The following FCRL3 variants were observed in gnomAD, a reference collection of about 807,000 sequenced individuals.
The protein encoded by FCRL3 is Fc receptor-like protein 3.
In FCRL3, 89 loss-of-function variants were observed where a neutral mutation model predicts 75.0. The observed-to-expected ratio is 1.19, with a 90% CI of 1.00 to 1.42. The LOEUF (loss-of-function observed/expected upper bound fraction) is 1.42, where lower values mean the gene tolerates loss of function less well. FCRL3 is among the 40% of genes most tolerant of loss of function. The probability of loss-of-function intolerance (pLI) is 0.00; values close to 1 mark genes in which losing one functional copy is unlikely to be tolerated. For synonymous variants in FCRL3, 376 were observed against 348.5 expected (o/e 1.08, Z -0.88); for missense variants, 946 against 880.0 (o/e 1.07, Z -0.95).
intron 10 of FCRL3, among the ~76,000 whole-genome samples, chr1:157,687,748 A>G (rs771375892): frequency 2.6e-5 from 4 of 151,734 alleles, no homozygotes; most frequent in Non-Finnish European, 5.9e-5. Context: ...AAACATGGAC[A>G]TAAACATGGG....
chr1:157,681,025 G>A lies in FCRL3; in HGVS notation c.1913C>T (p.Ser638Phe). ...SRIDPQEPTH[S>F]KPLAPMELEP... Reference sequence around the variant, plus strand: ...CAGCTCCATTGGGGCTAGTGGTTTAGAGTGAGTGGGCTCTTGAGGGTCTAT... The same window carrying A: ...CAGCTCCATTGGGGCTAGTGGTTTAAAGTGAGTGGGCTCTTGAGGGTCTAT... Residue 638 changes from serine to phenylalanine, a missense_variant, in exon 12 of 15, where the codon TCT becomes TTT. Physicochemically the swap from Ser to Phe is radical, Grantham distance 155. Transcript: ENST00000368184. 6.2e-7 allele frequency: 1 copy of A among 1,606,840 alleles called. No homozygotes were observed. The highest frequency in any genetic ancestry group is 1.7e-5 in the Admixed American group (1 of 58,330).
Position 157,697,720 on chromosome 1 carries a change from A to G in FCRL3, c.498T>C (p.Tyr166=), listed in dbSNP as rs763800127. 6.2e-7 allele frequency: 1 copy of G among 1,613,872 alleles called. No individual in the cohort carries two copies. The highest frequency in any genetic ancestry group is 1.1e-5 in the South Asian group (1 of 91,084). Residue 166 remains tyrosine (Y), a synonymous_variant, in exon 5 of 15, where the codon TAT becomes TAC. Transcript: ENST00000368184. ...CAATGTCAAGTATGTAAAACTTCCTATAAGCAGTACAATGATATTTGCTAT... is the reference window on the plus strand; with the variant it reads ...CAATGTCAAGTATGTAAAACTTCCTGTAAGCAGTACAATGATATTTGCTAT... The part of the protein sequence containing the change: ...RDNSKYHCTA[Y]RKFYILDIEV...
At chr1:157,698,030 C>A (rs1656069677) in intron 4 of FCRL3, 111 bp from the exon 5 acceptor site, 1 of 1,272,578 alleles carries the variant, frequency 7.9e-7, no homozygotes, top group Admixed American at 2.6e-5. Flanking sequence ...GCAAATGGCC[C>A]CCACCCACAT....
rs750260814 is a variant in FCRL3, at chr1:157,695,358, T to C, written c.1382A>G (p.His461Arg). 1.5e-5 allele frequency: 25 copies of C among 1,614,042 alleles called. No homozygotes were observed. The highest frequency in any genetic ancestry group is 2.0e-5 in the Non-Finnish European group (24 of 1,179,992). The change falls in exon 8 of 15, where the codon CAC becomes CGC. Residue 461 changes from histidine (H) to arginine (R), a missense_variant. Coordinates refer to ENST00000368184, the MANE Select transcript of FCRL3 (RefSeq NM_052939.4). ...GACCCTGAGACTCACTCCATGACTG[T>C]GCTGGGCCCCCAGGCCATTGTCTGC... ...CDADNGLGAQ[H>R]SHGVSLRVTV...
intron 4 of FCRL3, 113 bp downstream of exon 4, chr1:157,698,271 G>A: frequency 2.3e-6 from 3 of 1,279,074 alleles, no homozygotes; most frequent in Non-Finnish European, 3.3e-6. Flanking sequence ...ACTGGGGTCA[G>A]TGCATCAATC....
intron 13 of FCRL3, 40 bp from the exon 14 acceptor site, chr1:157,679,013 G>A: frequency 1.2e-6 from 2 of 1,610,294 alleles, no homozygotes; most frequent in Non-Finnish European, 1.7e-6. Flanking sequence ...TTAAACTGTG[G>A]GCAATATATT....
chr1:157,695,997 C>G, intron 7 of FCRL3, 43 bp downstream of exon 7: 1 of 1,558,766 alleles, frequency 6.4e-7, no homozygotes, highest in South Asian at 1.2e-5. Context: ...AACCTAAACC[C>G]TGGCTTGCAA....
At position 157,681,458 on chromosome 1, in the gene FCRL3, A is replaced by G. The variant is rs1050405723; in HGVS notation, c.1839-359T>C. ...CTTCCTGTGTCCATGTGTTCTCATT[A>G]TTCAATTCCCACCTATGAGTGAGAA... On this transcript the variant is annotated intron_variant, in intron 11 of 14. Coordinates refer to ENST00000368184, the MANE Select transcript of FCRL3 (RefSeq NM_052939.4). Among the ~76,000 whole-genome samples, 8 of 129,138 alleles carry G rather than the reference A, an allele frequency of 6.2e-5. No individual in the cohort carries two copies. The East Asian group carries it at 1.6e-3, about 26-fold the overall frequency. 84.7% of individuals were successfully genotyped at this position (129,138 alleles called of 152,430 possible).
In FCRL3 at chr1:157,699,698, G is replaced by T. The variant is rs749044793; in HGVS notation, c.46C>A (p.Gln16Lys). ...LLLILTPGRE[Q>K]SGVAPKAVLL... is the part of the protein sequence containing the mutation. Reference sequence around the variant, plus strand: ...GAGAGAAGGAGAAACTTACCTGATTGTTCTCTTCCAGGAGCTGTGAGGGAG... The same window carrying T: ...GAGAGAAGGAGAAACTTACCTGATTTTTCTCTTCCAGGAGCTGTGAGGGAG... The change falls in exon 3 of 15, where the codon CAA (glutamine) becomes AAA (lysine). Residue 16 changes from glutamine to lysine, a missense_variant. Gln to Lys is a moderately conservative substitution (Grantham distance 53). Coordinates refer to ENST00000368184, the MANE Select transcript of FCRL3 (RefSeq NM_052939.4). 4.3e-6 allele frequency: 7 copies of T among 1,613,440 alleles called. No individual in the cohort carries two copies. The highest frequency in any genetic ancestry group is 4.5e-5 in the East Asian group (2 of 44,864).
intron 11 of FCRL3, among the ~76,000 whole-genome samples, chr1:157,682,675 A>T (rs927928789): frequency 1.3e-5 from 2 of 152,180 alleles, no homozygotes; most frequent in African/African-American, 4.8e-5. Context: ...ATACACAAAG[A>T]CCTCTGCATT....
chr1:157,695,557 C>G lies in FCRL3; in HGVS notation c.1183G>C (p.Val395Leu). Residue 395 changes from valine (V) to leucine (L), a missense_variant, in exon 8 of 15, where the codon GTG becomes CTG. By Grantham distance (32) the Val-to-Leu change is conservative. Transcript: ENST00000368184. ...LTFRAPRAHT[V>L]VGDLLELHCE... is the part of the protein sequence containing the mutation. ...TGAAGCTCCAGCAGGTCCCCCACCA[C>G]AGTGTGGGCCCTGGGAGCCCTGAAG... 2 of 1,613,956 alleles carry G rather than the reference C, an allele frequency of 1.2e-6. No individual in the cohort carries two copies. Among genetic ancestry groups the G allele is most frequent in the Non-Finnish European group, 1.7e-6 (2 of 1,179,888 alleles).
rs1440408782 is a variant in FCRL3 at position 157,677,360 on chromosome 1, G to A, written c.*1350C>T. ...CTCCAAGAAATATTGATTAGAGGAA[G>A]ATGTGGTGCTTTGAAAGGGACTTGG... On this transcript the variant is annotated 3_prime_UTR_variant, in exon 15 of 15. Transcript: ENST00000368184. 1.8e-5 allele frequency: 18 copies of A among 986,018 alleles called. No individual in the cohort carries two copies. The highest frequency in any genetic ancestry group is 2.2e-5 in the Non-Finnish European group (18 of 830,346). The allele number at this position is 986,018 out of a possible 1,614,324, so 61.1% of individuals were successfully genotyped here.
At chr1:157,697,500 C>CACCAGCCAT (rs1656011204) in intron 5 of FCRL3, 76 bp from the exon 6 acceptor site, 1 of 1,484,500 alleles carries the variant, frequency 6.7e-7, no homozygotes, top group Non-Finnish European at 9.0e-7. Context: ...GTCATCTCAG[C>CACCAGCCAT]ACCAGCCATC....
In FCRL3 at chr1:157,676,922, A is replaced by G. The variant is rs147522418; in HGVS notation, c.*1788T>C. The G allele has an allele frequency of 4.3e-4, 608 of 1,429,106 alleles. 4 individuals carry two copies. The African/African-American group carries it at 7.9e-3, about 19-fold the overall frequency. The allele number at this position is 1,429,106 out of a possible 1,614,324, so 88.5% of individuals were successfully genotyped here. A position where few individuals can be genotyped will look rare whatever the true frequency, so the allele number is the denominator to read the frequency against. On this transcript the variant is annotated 3_prime_UTR_variant, in exon 15 of 15. Coordinates refer to ENST00000368184, the MANE Select transcript of FCRL3 (RefSeq NM_052939.4). Reference sequence around the variant, plus strand: ...TACAGCCTGGTGGTTGGTACCCAAAACCGGTTTACATATTTTCACCATAGA... The same window carrying G: ...TACAGCCTGGTGGTTGGTACCCAAAGCCGGTTTACATATTTTCACCATAGA...
At chr1:157,681,875 C>T (rs1346104901) in intron 11 of FCRL3, among the ~76,000 whole-genome samples, 1 of 152,006 alleles carries the variant, frequency 6.6e-6, no homozygotes, top group Non-Finnish European at 1.5e-5. Context: ...TAAAAGTGTT[C>T]CTATTTCTCC....
chr1:157,691,211 A>AT (rs1475872626), intron 8 of FCRL3, among the ~76,000 whole-genome samples: 1 of 152,236 alleles, frequency 6.6e-6, no homozygotes, highest in African/African-American at 2.4e-5. Flanking sequence ...AAATCCAGAT[A>AT]TAGCTCTAGC....
At chr1:157,685,841 G>A (rs1221083326) in intron 10 of FCRL3, among the ~76,000 whole-genome samples, 1 of 151,894 alleles carries the variant, frequency 6.6e-6, no homozygotes, top group East Asian at 1.9e-4. Flanking sequence ...ACTTACTCCT[G>A]AATAACTCCT....
In FCRL3 at chr1:157,697,653, C is replaced by A; in HGVS notation, c.559+6G>T. ...ACCCAGTAATCCACAGGAATCTAGC[C>A]ATTACCTTGAACTTGGATATTTAGG... On this transcript the variant is annotated splice_donor_region_variant and intron_variant, in intron 5 of 14. Coordinates refer to ENST00000368184, the MANE Select transcript of FCRL3 (RefSeq NM_052939.4). The A allele has an allele frequency of 1.9e-6, 3 of 1,611,114 alleles. No homozygotes were observed. Among genetic ancestry groups the A allele is most frequent in the Non-Finnish European group, 2.5e-6 (3 of 1,178,786 alleles).
At position 157,695,572 on chromosome 1, in the gene FCRL3, G is replaced by A; in HGVS notation, c.1168C>T (p.Pro390Ser). The change falls in exon 8 of 15, where the codon CCC becomes TCC. Residue 390 changes from proline to serine, a missense_variant. Transcript: ENST00000368184. ...VSHPVLTFRA[P>S]RAHTVVGDLL... ...TCCCCCACCACAGTGTGGGCCCTGG[G>A]AGCCCTGAAGGTGAGGACAGGGTGA... is the stretch of plus-strand genomic sequence containing the variant. The A allele has an allele frequency of 6.2e-7, 1 of 1,613,556 alleles. No individual in the cohort carries two copies. The highest frequency in any genetic ancestry group is 8.5e-7 in the Non-Finnish European group (1 of 1,179,662).
Sources: allele counts gnomAD v4.1 joint callset (sites outside exome capture counted in the v4.1 genomes callset), GRCh38; gene constraint gnomAD v4.1.1; transcripts MANE v1.5; gene names NCBI Gene and HGNC (gene_info 2026-07-23, HGNC 2026-07-21).